ABCA6: variants seen among roughly 807,000 people sequenced by gnomAD.
ABCA6 encodes the protein ATP binding cassette subfamily A member 6, also known as ATP-binding cassette sub-family A member 6.
Under a neutral mutation model 191.2 loss-of-function variants are expected in ABCA6, and 164 were observed. The observed-to-expected ratio is 0.86, with a 90% CI of 0.76 to 0.98. The LOEUF (loss-of-function observed/expected upper bound fraction) is 0.98, where lower values mean the gene tolerates loss of function less well. Among genes scored for constraint, ABCA6 ranks in the 50% least tolerant of loss-of-function variants. The pLI is 0.00. For synonymous variants in ABCA6, 636 were observed against 647.7 expected, an observed-to-expected ratio of 0.98 and a Z score of 0.27; for missense variants, 1,958 against 1,894.1, an observed-to-expected ratio of 1.03 and a Z score of -0.63.
intron 23 of ABCA6, 122 bp downstream of exon 23, chr17:69,097,798 C>G (rs2073083354): frequency 1.5e-6 from 1 of 660,228 alleles, no homozygotes; most frequent in Admixed American, 3.8e-5. Context: ...GGTTTAGCTA[C>G]AATATCTAAA....
chr17:69,096,797 T>C lies in ABCA6; in HGVS notation c.3125A>G (p.Asn1042Ser). Residue 1042 changes from asparagine (N) to serine (S), a missense_variant, in exon 24 of 39, where the codon AAT becomes AGT. Asn to Ser is a conservative substitution (Grantham distance 46). Transcript: ENST00000284425. ...TMGSISDYKK[N>S]AKSQLWISGL... ...TGAAATCCATAGCTGGGACTTAGCATTTTTCTGATTAAAAAAAAAAAGAAA... is the reference window on the plus strand; with the variant it reads ...TGAAATCCATAGCTGGGACTTAGCACTTTTCTGATTAAAAAAAAAAAGAAA... 2.0e-6 allele frequency: 3 copies of C among 1,521,732 alleles called. No individual in the cohort carries two copies. Among genetic ancestry groups the C allele is most frequent in the Non-Finnish European group, 2.6e-6 (3 of 1,146,368 alleles). 94.3% of individuals were successfully genotyped at this position (1,521,732 alleles called of 1,614,324 possible).
At chr17:69,128,187 G>A (rs1484453035) in intron 8 of ABCA6, among the ~76,000 whole-genome samples, 1 of 151,928 alleles carries the variant, frequency 6.6e-6, no homozygotes, top group African/African-American at 2.4e-5. Flanking sequence ...CCTTGATCTA[G>A]TTCATAGATA....
In ABCA6 at chr17:69,101,041, A is replaced by C; in HGVS notation, c.2875-107T>G. The C allele has an allele frequency of 7.5e-6, 7 of 937,886 alleles. No individual in the cohort carries two copies. The South Asian group carries it at 9.1e-5, about 12-fold the overall frequency. The allele number at this position is 937,886 out of a possible 1,614,324, so 58.1% of individuals were successfully genotyped here. A position where few individuals can be genotyped will look rare whatever the true frequency, so the allele number is the denominator to read the frequency against. The stretch of plus-strand genomic sequence containing the variant: ...AGTGCCACATGCTTGTTGTGTGTCC[A>C]TCTTCAAGTGAACTAAACTTTCTGA... On this transcript the variant is annotated intron_variant, in intron 21 of 38. Transcript: ENST00000284425.
intron 3 of ABCA6, among the ~76,000 whole-genome samples, chr17:69,136,938 TG>T (rs530472646): frequency 1.2e-4 from 19 of 152,320 alleles, no homozygotes; most frequent in African/African-American, 4.3e-4. Flanking sequence ...TTTATTTAGA[TG>T]TTTTTTTCCT....
intron 30 of ABCA6, 56 bp from the exon 31 acceptor site, chr17:69,085,772 C>A (rs2072772196): frequency 8.1e-7 from 1 of 1,231,038 alleles, no homozygotes; most frequent in Admixed American, 2.0e-5. Context: ...ACAACATAAA[C>A]CTTTTGCTCC....
chr17:69,088,729 G>A (rs1389960467), intron 27 of ABCA6, among the ~76,000 whole-genome samples: 1 of 152,148 alleles, frequency 6.6e-6, no homozygotes, highest in Non-Finnish European at 1.5e-5. Flanking sequence ...TCAGAGTAGA[G>A]TCAAAGCCTT....
intron 27 of ABCA6, 62 bp downstream of exon 27, chr17:69,089,403 A>G: frequency 6.8e-7 from 1 of 1,478,764 alleles, no homozygotes; most frequent in East Asian, 2.3e-5. Context: ...ACAAGATCAA[A>G]TTGTTATAGT....
chr17:69,120,178 C>T lies in ABCA6; in HGVS notation c.1437-2222G>A, dbSNP rs16973611. 4.3e-3 allele frequency among the ~76,000 whole-genome samples: 657 copies of T among 151,766 alleles called. 3 individuals are homozygous for T. Among genetic ancestry groups the T allele is most frequent in the African/African-American group, 0.015 (616 of 41,390 alleles). ...AATCCATTATAAAGGTAAATTCTGA[C>T]GAAGGATGGAGAAAATATTTTAAAG... is the stretch of plus-strand genomic sequence containing the variant. On this transcript the variant is annotated intron_variant, in intron 10 of 38. Coordinates refer to ENST00000284425, the MANE Select transcript of ABCA6 (RefSeq NM_080284.3).
In ABCA6 at chr17:69,082,918, TG is replaced by T. The variant is rs758415619; in HGVS notation, c.4570del (p.His1524ThrfsTer5). On this transcript the variant is annotated frameshift_variant, in exon 36 of 39. Coordinates refer to ENST00000284425, the MANE Select transcript of ABCA6 (RefSeq NM_080284.3). LOFTEE classifies it high-confidence loss of function. ...VKETSQVTLVHTEILKLFPQA... is the reference protein window; with the variant it reads ...VKETSQVTLVXTEILKLFPQA... ...TGGGAAAAGCTTCAGAATCTCAGTG[TG>T]GACCAAAGTCACTTGAGACGTTTCC... The T allele has an allele frequency of 3.1e-6, 5 of 1,614,242 alleles. No homozygotes were observed. Among genetic ancestry groups the T allele is most frequent in the Non-Finnish European group, 4.2e-6 (5 of 1,180,020 alleles).
intron 26 of ABCA6, among the ~76,000 whole-genome samples, 178 bp downstream of exon 26, chr17:69,090,965 G>A (rs2072908493): frequency 6.6e-6 from 1 of 152,128 alleles, no homozygotes; most frequent in Non-Finnish European, 1.5e-5. Flanking sequence ...AGCTTACAGA[G>A]TTGTGCAAGC....
chr17:69,116,187 G>A (rs1369422910), intron 11 of ABCA6, among the ~76,000 whole-genome samples: 2 of 152,022 alleles, frequency 1.3e-5, no homozygotes, highest in South Asian at 4.1e-4. Flanking sequence ...AGGGTAAGAG[G>A]GAAGTGATAC....
chr17:69,106,589 T>C (rs1184465734), intron 18 of ABCA6, among the ~76,000 whole-genome samples: 5 of 59,130 alleles, frequency 8.5e-5, no homozygotes, highest in Non-Finnish European at 1.3e-4. Flanking sequence ...CAAGACTCCA[T>C]CTCGAAAAAA....
Position 69,088,147 on chromosome 17 carries a change from A to C in ABCA6, c.3698+20T>G, listed in dbSNP as rs2072846041. ...ATGTTAAAATATGATATTAAGTATA[A>C]AGTTAAATTTCACCCCAACCTGAAA... On this transcript the variant is annotated intron_variant, in intron 28 of 38. Transcript: ENST00000284425. 2 of 1,582,540 alleles carry C rather than the reference A, an allele frequency of 1.3e-6. No individual in the cohort carries two copies. The highest frequency in any genetic ancestry group is 1.7e-6 in the Non-Finnish European group (2 of 1,155,668).
chr17:69,110,755 A>C, intron 17 of ABCA6, 46 bp downstream of exon 17: 1 of 1,542,604 alleles, frequency 6.5e-7, no homozygotes, highest in South Asian at 1.2e-5. Context: ...AATAATGTGA[A>C]CATTTTTTCC....
At chr17:69,113,389 GTC>G in intron 14 of ABCA6, 29 bp from the exon 15 acceptor site, 1 of 1,573,708 alleles carries the variant, frequency 6.4e-7, no homozygotes, top group Non-Finnish European at 8.6e-7. Flanking sequence ...TATAAAATAT[GTC>G]TCTCTTTCAC....
chr17:69,124,182 AATTTATT>A (rs1450828289), intron 9 of ABCA6, among the ~76,000 whole-genome samples: 3 of 152,006 alleles, frequency 2.0e-5, no homozygotes, highest in Non-Finnish European at 4.4e-5. Context: ...AACAAAGTTG[AATTTATT>A]ATTAAGGGCC....
intron 25 of ABCA6, among the ~76,000 whole-genome samples, chr17:69,091,553 C>T (rs1215139733): frequency 5.4e-5 from 1 of 18,424 alleles, no homozygotes; most frequent in East Asian, 3.9e-4. Context: ...GACGGAGTCT[C>T]GCTCTGTCGC....
rs1237294321 is a variant in ABCA6 at position 69,128,953 on chromosome 17, G to A, written c.934-149C>T. On this transcript the variant is annotated intron_variant, in intron 7 of 38. Transcript: ENST00000284425. ...GAAAATATTAAGGTATAATGAGTCT[G>A]TTCTTTCCTCAACTTCTCTTGAAAA... 4 of 574,508 alleles carry A rather than the reference G, an allele frequency of 7.0e-6. No homozygotes were observed. The Admixed American group carries it at 1.1e-4, about 16-fold the overall frequency. 35.6% of individuals were successfully genotyped at this position (574,508 alleles called of 1,614,324 possible). A position where few individuals can be genotyped will look rare whatever the true frequency, so the allele number is the denominator to read the frequency against.
At chr17:69,079,835 G>T (rs1490695971) in intron 37 of ABCA6, among the ~76,000 whole-genome samples, 1 of 152,162 alleles carries the variant, frequency 6.6e-6, no homozygotes, top group Non-Finnish European at 1.5e-5. Flanking sequence ...CATTTTAGTG[G>T]GAGGAATTAG....
Sources: gnomAD v4.1 joint callset for allele counts (sites outside exome capture counted in the v4.1 genomes callset) on GRCh38, gnomAD v4.1.1 for gene constraint, MANE v1.5 for transcripts, NCBI Gene and HGNC (gene_info 2026-07-23, HGNC 2026-07-21) for gene names.